CSMD1: variants seen among roughly 807,000 people sequenced by gnomAD.
CSMD1 encodes CUB and Sushi multiple domains 1.
A neutral mutation model predicts 417.5 loss-of-function variants in CSMD1; 213 were observed. That is an observed-to-expected ratio of 0.51 (90% CI 0.46 to 0.57). The LOEUF is 0.57. CSMD1 is among the 20% of genes least tolerant of loss of function. The probability of loss-of-function intolerance (pLI) is 0.00; values close to 1 mark genes in which losing one functional copy is unlikely to be tolerated. For missense variants in CSMD1, 6,923 were observed against 4,529.7 expected, an observed-to-expected ratio of 1.53 and a Z score of -15.17; for synonymous variants, 2,862 against 1,736.8, an observed-to-expected ratio of 1.65 and a Z score of -16.11.
At chr8:4,008,036 G>A (rs140390209) in intron 4 of CSMD1, among the ~76,000 whole-genome samples, 2 of 152,020 alleles carry the variant, frequency 1.3e-5, no homozygotes, top group Admixed American at 6.6e-5. Context: ...TTTTTGCTTT[G>A]CTTGTTTTCA....
chr8:3,105,734 A>C (rs757836489), intron 46 of CSMD1, among the ~76,000 whole-genome samples: 1 of 152,248 alleles, frequency 6.6e-6, no homozygotes, highest in African/African-American at 2.4e-5. Context: ...AATTATATGC[A>C]TGCTGAGGTA....
intron 3 of CSMD1, among the ~76,000 whole-genome samples, chr8:4,148,665 G>C (rs1796408597): frequency 1.3e-5 from 2 of 152,120 alleles, no homozygotes; most frequent in African/African-American, 2.4e-5. Flanking sequence ...AGAGAGAGGA[G>C]CGTGCCCTCG....
In CSMD1 at chr8:4,048,730, T is replaced by C. The variant is rs186971965; in HGVS notation, c.416-16631A>G. Among the ~76,000 whole-genome samples the C allele has an allele frequency of 3.5e-3, 534 of 152,334 alleles. 2 individuals carry two copies. Among genetic ancestry groups the C allele is most frequent in the African/African-American group, 0.012 (514 of 41,574 alleles). On this transcript the variant is annotated intron_variant, in intron 3 of 69. Transcript: ENST00000635120. ...GGGTGCATTTATTAATACATACATG[T>C]ATATCTATAGAACTATATAAAATGC...
At position 3,957,687 on chromosome 8, in the gene CSMD1, G is replaced by GA. The variant is rs369302466; in HGVS notation, c.818+40215dup. 2.5e-3 allele frequency among the ~76,000 whole-genome samples: 364 copies of GA among 147,984 alleles called. 2 individuals carry two copies. The highest frequency in any genetic ancestry group is 8.7e-3 in the African/African-American group (352 of 40,316). On this transcript the variant is annotated intron_variant, in intron 5 of 69. Transcript: ENST00000635120. ...CTATTAACAGAGCAAGACCATGTCG[G>GA]AAAAAAAAGAAGAGAAGAGGAAAAG...
At chr8:3,747,493 G>A (rs1055168019) in intron 6 of CSMD1, among the ~76,000 whole-genome samples, 3 of 132,026 alleles carry the variant, frequency 2.3e-5, no homozygotes, top group East Asian at 2.3e-4. Flanking sequence ...CAAATCATAC[G>A]TTTGTTTTTT....
intron 2 of CSMD1, among the ~76,000 whole-genome samples, chr8:4,571,870 A>G (rs150709858): frequency 1.2e-3 from 189 of 152,280 alleles, no homozygotes; most frequent in African/African-American, 4.4e-3. Context: ...TCCCTTTACC[A>G]TTATGTAATG....
intron 2 of CSMD1, among the ~76,000 whole-genome samples, chr8:4,479,220 C>G (rs1192282380): frequency 2.6e-5 from 4 of 152,140 alleles, no homozygotes. Flanking sequence ...GAAGATACCC[C>G]TGGAATTACA....
intron 12 of CSMD1, among the ~76,000 whole-genome samples, chr8:3,420,161 A>C (rs1214079467): frequency 6.6e-6 from 1 of 152,166 alleles, no homozygotes; most frequent in Non-Finnish European, 1.5e-5. Flanking sequence ...CTAAGTCCTC[A>C]AAATTATTTG....
At chr8:3,866,235 G>C (rs770821237) in intron 5 of CSMD1, among the ~76,000 whole-genome samples, 2 of 152,136 alleles carry the variant, frequency 1.3e-5, no homozygotes, top group Non-Finnish European at 2.9e-5. Context: ...TGTTGCCACA[G>C]ATTTTGAATA....
chr8:4,289,184 T>C (rs929562170), intron 3 of CSMD1, among the ~76,000 whole-genome samples: 1 of 152,220 alleles, frequency 6.6e-6, no homozygotes, highest in African/African-American at 2.4e-5. Context: ...TAACAGTTTA[T>C]CGGACAAATA....
At chr8:3,969,660 G>A (rs1419711226) in intron 5 of CSMD1, among the ~76,000 whole-genome samples, 2 of 152,170 alleles carry the variant, frequency 1.3e-5, no homozygotes, top group African/African-American at 2.4e-5. Flanking sequence ...AAAGTGTAAA[G>A]GTTCCTTGCT....
intron 1 of CSMD1, among the ~76,000 whole-genome samples, chr8:4,977,861 G>C (rs528103244): frequency 2.6e-5 from 4 of 152,220 alleles, no homozygotes; most frequent in African/African-American, 9.6e-5. Context: ...AAGCACAGTG[G>C]AAGAAGACCC....
rs73657840 is a variant in CSMD1 at position 3,408,990 on chromosome 8, G to A, written c.1744+433C>T. On this transcript the variant is annotated intron_variant, in intron 13 of 69. Coordinates refer to ENST00000635120, the MANE Select transcript of CSMD1 (RefSeq NM_033225.6). ...GTTAAAATAGTATTCTTAAGAGGAA[G>A]TGGGCAGCTCATCAACTGAATTCCA... is the stretch of plus-strand genomic sequence containing the variant. Among the ~76,000 whole-genome samples, 486 of 152,262 alleles carry A rather than the reference G, an allele frequency of 3.2e-3. 2 individuals are homozygous for A. The highest frequency in any genetic ancestry group is 0.011 in the African/African-American group (461 of 41,554).
At chr8:4,830,206 G>C (rs972391628) in intron 1 of CSMD1, among the ~76,000 whole-genome samples, 7 of 152,154 alleles carry the variant, frequency 4.6e-5, no homozygotes, top group Non-Finnish European at 5.9e-5. Context: ...AACAGACAAA[G>C]TGCTTCTAAT....
intron 3 of CSMD1, among the ~76,000 whole-genome samples, chr8:4,141,571 C>G (rs1803792780): frequency 6.6e-6 from 1 of 151,156 alleles, no homozygotes; most frequent in Non-Finnish European, 1.5e-5. Context: ...CAAACCTGTA[C>G]AGAACGAGTA....
intron 3 of CSMD1, among the ~76,000 whole-genome samples, chr8:4,411,170 T>A (rs146188502): frequency 6.6e-6 from 1 of 152,062 alleles, no homozygotes; most frequent in Non-Finnish European, 1.5e-5. Flanking sequence ...AATTACCCAG[T>A]CTCAGGTAAC....
At chr8:4,458,622 G>T (rs1019976717) in intron 2 of CSMD1, among the ~76,000 whole-genome samples, 1 of 152,268 alleles carries the variant, frequency 6.6e-6, no homozygotes, top group South Asian at 2.1e-4. Flanking sequence ...CCACACCTCA[G>T]CAGCAAAATC....
intron 25 of CSMD1, among the ~76,000 whole-genome samples, chr8:3,304,985 G>C (rs1422633609): frequency 6.6e-6 from 1 of 152,070 alleles, no homozygotes; most frequent in African/African-American, 2.4e-5. Flanking sequence ...ATTGGAAGTG[G>C]TTTTTACATT....
chr8:4,732,361 G>C (rs1563244446), intron 1 of CSMD1, among the ~76,000 whole-genome samples: 1 of 148,098 alleles, frequency 6.8e-6, no homozygotes, highest in East Asian at 2.0e-4. Context: ...GTGTGTGTGT[G>C]TGTGTGTGTG....
Sources: gnomAD v4.1 joint callset for allele counts (sites outside exome capture counted in the v4.1 genomes callset) on GRCh38, gnomAD v4.1.1 for gene constraint, MANE v1.5 for transcripts, NCBI Gene and HGNC (gene_info 2026-07-23, HGNC 2026-07-21) for gene names.